Variants in GNG7 observed in about 807,000 individuals in gnomAD.
The protein encoded by GNG7 is G protein subunit gamma 7.
A neutral mutation model predicts 4.0 loss-of-function variants in GNG7; 1 was observed. The ratio of observed to expected loss-of-function variants is 0.25; its 90% confidence interval spans 0.09 to 1.18. The LOEUF is 1.18. GNG7 is among the 50% of genes most tolerant of loss of function. The pLI, the probability that GNG7 is intolerant of heterozygous loss-of-function variation, is 0.50. For missense variants in GNG7, 86 were observed against 91.9 expected (o/e 0.94, Z 0.26); for synonymous variants, 34 against 36.9 (o/e 0.92, Z 0.29).
Position 2,657,354 on chromosome 19 carries a change from AAAAAAAAATATATATAT to A in GNG7, c.-134-11091_-134-11075del, listed in dbSNP as rs1382846530. On this transcript the variant is annotated intron_variant, in intron 1 of 4. Coordinates refer to ENST00000382159, the MANE Select transcript of GNG7 (RefSeq NM_052847.3). Reference sequence around the variant, plus strand: ...GTCTCAATTAAAAAAAAAAAAAAAAAAAAAAAAATATATATATATATATATATATATATATATATATA... The same window carrying A: ...GTCTCAATTAAAAAAAAAAAAAAAAAATATATATATATATATATATATATA... 1.2e-3 allele frequency among the ~76,000 whole-genome samples: 26 copies of A among 21,884 alleles called. 1 individual carries two copies. The South Asian group carries it at 0.025, about 21-fold the overall frequency. 14.4% of individuals were successfully genotyped at this position (21,884 alleles called of 152,430 possible).
intron 2 of GNG7, among the ~76,000 whole-genome samples, chr19:2,624,706 A>G (rs138116587): frequency 7.2e-5 from 11 of 152,286 alleles, no homozygotes; most frequent in African/African-American, 2.6e-4. Context: ...TATTCCTAGC[A>G]GCTCCTGACC....
At chr19:2,702,123 C>T (rs1913417509) in intron 1 of GNG7, among the ~76,000 whole-genome samples, 2 of 148,676 alleles carry the variant, frequency 1.3e-5, no homozygotes, top group Admixed American at 1.3e-4. Flanking sequence ...CTAACCTCGA[C>T]CTGCAACTCC....
rs574289786 is a variant in GNG7 at position 2,648,389 on chromosome 19, C to G, written c.-134-2109G>C. Among the ~76,000 whole-genome samples the G allele has an allele frequency of 1.6e-3, 238 of 152,236 alleles. 1 individual carries two copies. The Middle Eastern group carries it at 0.017, about 11-fold the overall frequency. On this transcript the variant is annotated intron_variant, in intron 1 of 4. Coordinates refer to ENST00000382159, the MANE Select transcript of GNG7 (RefSeq NM_052847.3). ...CCAGCCTGGGCAACAGAGCACGGCA[C>G]TGTCTCAAAAACAGACCAACCCCAA...
At chr19:2,674,726 G>A (rs952846975) in intron 1 of GNG7, among the ~76,000 whole-genome samples, 1 of 152,242 alleles carries the variant, frequency 6.6e-6, no homozygotes, top group African/African-American at 2.4e-5. Flanking sequence ...GTGAGCTACT[G>A]CGTCTGGCCT....
intron 3 of GNG7, among the ~76,000 whole-genome samples, chr19:2,544,602 G>A (rs1293085711): frequency 6.6e-6 from 1 of 152,210 alleles, no homozygotes; most frequent in East Asian, 1.9e-4. Context: ...TGTTGGCCAG[G>A]TTGGTCTCAA....
chr19:2,568,302 C>T (rs141410502), intron 2 of GNG7, among the ~76,000 whole-genome samples: 30 of 149,884 alleles, frequency 2.0e-4, no homozygotes, highest in Non-Finnish European at 3.6e-4. Context: ...TACACACGCA[C>T]ACACATACAC....
At chr19:2,580,975 G>A (rs1367947383) in intron 2 of GNG7, among the ~76,000 whole-genome samples, 4 of 151,992 alleles carry the variant, frequency 2.6e-5, no homozygotes, top group East Asian at 1.9e-4. Context: ...ATGTTGGCCA[G>A]GATGGTCTTG....
chr19:2,658,374 A>T (rs1983050986), intron 1 of GNG7, among the ~76,000 whole-genome samples: 1 of 152,118 alleles, frequency 6.6e-6, no homozygotes, highest in Admixed American at 6.6e-5. Flanking sequence ...CAACACTTTT[A>T]AAATGGAAAA....
At chr19:2,579,298 G>C (rs1219272971) in intron 2 of GNG7, among the ~76,000 whole-genome samples, 1 of 152,240 alleles carries the variant, frequency 6.6e-6, no homozygotes, top group Non-Finnish European at 1.5e-5. Flanking sequence ...GCCCAGCACG[G>C]CTGGCTCCCG....
chr19:2,573,337 A>C (rs960284717), intron 2 of GNG7, among the ~76,000 whole-genome samples: 9 of 151,766 alleles, frequency 5.9e-5, no homozygotes, highest in Non-Finnish European at 1.2e-4. Flanking sequence ...TTCCTTCATG[A>C]AATAGGTATT....
intron 1 of GNG7, among the ~76,000 whole-genome samples, chr19:2,649,261 T>G (rs924871938): frequency 6.6e-6 from 1 of 151,874 alleles, no homozygotes; most frequent in Non-Finnish European, 1.5e-5. Context: ...CTGAATGAAT[T>G]TGAAGTGGTC....
intron 2 of GNG7, among the ~76,000 whole-genome samples, chr19:2,572,854 C>A (rs950622594): frequency 1.3e-5 from 2 of 151,726 alleles, no homozygotes; most frequent in African/African-American, 4.8e-5. Flanking sequence ...ACCTCGGACT[C>A]CCAGGTTGCT....
rs139011897 is a variant in GNG7 at position 2,688,387 on chromosome 19, G to A, written c.-135+14259C>T. ...ATGACCTCAGAGTAGCTGGTAGGTGGGCTAAGGCCACCTGGGCTGGGAGAA... is the reference window on the plus strand; with the variant it reads ...ATGACCTCAGAGTAGCTGGTAGGTGAGCTAAGGCCACCTGGGCTGGGAGAA... On this transcript the variant is annotated intron_variant, in intron 1 of 4. Transcript: ENST00000382159. Among the ~76,000 whole-genome samples, 271 of 152,308 alleles carry A rather than the reference G, an allele frequency of 1.8e-3. 1 individual carries two copies. The highest frequency in any genetic ancestry group is 0.017 in the Middle Eastern group (5 of 294).
intron 1 of GNG7, among the ~76,000 whole-genome samples, chr19:2,684,114 G>C (rs936894040): frequency 4.6e-5 from 7 of 151,104 alleles, no homozygotes; most frequent in African/African-American, 1.7e-4. Context: ...TTGAGGTCAG[G>C]AGTTCGAGAC....
rs1303788732 is a variant in GNG7, at chr19:2,603,216, A to G, written c.-78+43008T>C. Among the ~76,000 whole-genome samples the G allele has an allele frequency of 5.9e-5, 9 of 152,056 alleles. No homozygotes were observed. In the South Asian group the frequency reaches 1.7e-3, roughly 28 times the overall value. On this transcript the variant is annotated intron_variant, in intron 2 of 4. Transcript: ENST00000382159. The stretch of plus-strand genomic sequence containing the variant: ...CGAGTAGCTGGGATTACAGGTGCGC[A>G]CCACCATGCCTGGCTAATTTTTGTA...
intron 2 of GNG7, among the ~76,000 whole-genome samples, chr19:2,635,353 T>C (rs539064748): frequency 2.0e-4 from 30 of 152,234 alleles, no homozygotes; most frequent in Admixed American, 1.2e-3. Flanking sequence ...GACCCTGCCT[T>C]AATTTGAGGG....
At chr19:2,523,538 G>C (rs1978320982) in intron 3 of GNG7, among the ~76,000 whole-genome samples, 1 of 152,010 alleles carries the variant, frequency 6.6e-6, no homozygotes, top group African/African-American at 2.4e-5. Flanking sequence ...AATAATAAAA[G>C]GGCAACACGA....
chr19:2,656,449 A>G (rs1189381379), intron 1 of GNG7, among the ~76,000 whole-genome samples: 1 of 152,164 alleles, frequency 6.6e-6, no homozygotes, highest in Non-Finnish European at 1.5e-5. Context: ...TAAAAATACA[A>G]AAATTAGCCG....
chr19:2,603,423 G>T (rs1981275994), intron 2 of GNG7, among the ~76,000 whole-genome samples: 2 of 152,236 alleles, frequency 1.3e-5, no homozygotes, highest in Admixed American at 1.3e-4. Context: ...CCAGAATGAG[G>T]GGGAACCCCC....
Sources: allele counts gnomAD v4.1 joint callset (sites outside exome capture counted in the v4.1 genomes callset), GRCh38; gene constraint gnomAD v4.1.1; transcripts MANE v1.5; gene names NCBI Gene and HGNC (gene_info 2026-07-23, HGNC 2026-07-21).